TRAP1: variants seen among roughly 807,000 people sequenced by gnomAD.
TRAP1 encodes the protein heat shock protein 75 kDa, mitochondrial.
Under a neutral mutation model 89.1 loss-of-function variants are expected in TRAP1, and 102 were observed. That is an observed-to-expected ratio of 1.15 (90% CI 0.98 to 1.35). The LOEUF (loss-of-function observed/expected upper bound fraction) is 1.35, where lower values mean the gene tolerates loss of function less well. Ranked by LOEUF, TRAP1 falls within the 40% of genes most tolerant of loss-of-function variation. The pLI is 0.00. For synonymous variants in TRAP1, 508 were observed against 388.0 expected, an observed-to-expected ratio of 1.31 and a Z score of -3.64; for missense variants, 1,256 against 945.3, an observed-to-expected ratio of 1.33 and a Z score of -4.31.
At chr16:3,697,130 T>C (rs1004768289) in intron 1 of TRAP1, among the ~76,000 whole-genome samples, 60 of 152,356 alleles carry the variant, frequency 3.9e-4, no homozygotes, top group African/African-American at 1.3e-3. Flanking sequence ...CATATCATCC[T>C]ACATTCCTGC....
In TRAP1 at chr16:3,664,254, C is replaced by G; in HGVS notation, c.1569+20G>C. 1 of 1,549,576 alleles carries G rather than the reference C, an allele frequency of 6.5e-7. No homozygotes were observed. Among genetic ancestry groups the G allele is most frequent in the Non-Finnish European group, 8.7e-7 (1 of 1,149,178 alleles). On this transcript the variant is annotated intron_variant, in intron 13 of 17. Coordinates refer to ENST00000246957, the MANE Select transcript of TRAP1 (RefSeq NM_016292.3). Reference sequence around the variant, plus strand: ...CCAGGTTGCAGCCCCCGGAGCCCGCCCCACCCACCGCTCACCCACCTCTGT... The same window carrying G: ...CCAGGTTGCAGCCCCCGGAGCCCGCGCCACCCACCGCTCACCCACCTCTGT...
At chr16:3,658,466 G>A (rs756466226) in intron 17 of TRAP1, 61 of 581,144 alleles carry the variant, frequency 1.0e-4, no homozygotes, top group Non-Finnish European at 1.6e-4. Context: ...GGTGGCTCAC[G>A]AGGTCAGGAG....
chr16:3,658,860 G>GCGTGCCT lies in TRAP1; in HGVS notation c.1941-2_1945dup (p.Ala649GlufsTer38). The stretch of plus-strand genomic sequence containing the variant: ...CAGCTGATTCAGCTTCTTGATGAGC[G>GCGTGCCT]CGTGCCTGCAACACAGAACCCACCA... On this transcript the variant is annotated frameshift_variant, in exon 17 of 18. Coordinates refer to ENST00000246957, the MANE Select transcript of TRAP1 (RefSeq NM_016292.3). LOFTEE classifies it high-confidence loss of function. The GCGTGCCT allele has an allele frequency of 6.2e-7, 1 of 1,614,014 alleles. No individual in the cohort carries two copies. Among genetic ancestry groups the GCGTGCCT allele is most frequent in the Non-Finnish European group, 8.5e-7 (1 of 1,179,990 alleles).
chr16:3,690,827 C>A lies in TRAP1; in HGVS notation c.247G>T (p.Gly83Cys). The A allele has an allele frequency of 6.8e-7, 1 of 1,460,304 alleles. No homozygotes were observed. 90.5% of individuals were successfully genotyped at this position (1,460,304 alleles called of 1,614,324 possible). A position where few individuals can be genotyped will look rare whatever the true frequency, so the allele number is the denominator to read the frequency against. The change falls in exon 2 of 18, where the codon GGT (glycine) becomes TGT (cysteine). Residue 83 changes from glycine (G) to cysteine (C), a missense_variant and splice_region_variant. Gly to Cys is a radical substitution (Grantham distance 159, BLOSUM62 -3). Transcript: ENST00000246957. ...AGACCAAAGCACGAGCCAAGGCTACCCTGCACGCTCTCTGTGCTGCTGATA... is the reference window on the plus strand; with the variant it reads ...AGACCAAAGCACGAGCCAAGGCTACACTGCACGCTCTCTGTGCTGCTGATA... Reference protein sequence around the residue: ...SIISSTESVQGSTSKHEFQAE... With the variant: ...SIISSTESVQCSTSKHEFQAE...
chr16:3,663,634 G>A lies in TRAP1; in HGVS notation c.1570-72C>T, dbSNP rs577731128. On this transcript the variant is annotated intron_variant, in intron 13 of 17. Transcript: ENST00000246957. ...CCACCACAGAAGAAAGGATGAGGGC[G>A]GCAGGAGGGCTGGGGGAGCCAAGCG... 335 of 1,590,602 alleles carry A rather than the reference G, an allele frequency of 2.1e-4. 1 individual carries two copies. Among genetic ancestry groups the A allele is most frequent in the South Asian group, 1.3e-3 (112 of 89,426 alleles).
intron 1 of TRAP1, among the ~76,000 whole-genome samples, chr16:3,701,988 ATCACAAAG>A (rs2051371917): frequency 6.6e-6 from 1 of 152,198 alleles, no homozygotes; most frequent in Admixed American, 6.5e-5. Context: ...AGGCAGGTGG[ATCACAAAG>A]TCAGGAGTTC....
intron 1 of TRAP1, among the ~76,000 whole-genome samples, chr16:3,705,755 C>G (rs2051433988): frequency 6.6e-6 from 1 of 152,148 alleles, no homozygotes; most frequent in South Asian, 2.1e-4. Flanking sequence ...TCTTGGCTCA[C>G]TGCAACCTCT....
chr16:3,704,702 C>G (rs1376449490), intron 1 of TRAP1, among the ~76,000 whole-genome samples: 1 of 152,004 alleles, frequency 6.6e-6, no homozygotes, highest in Non-Finnish European at 1.5e-5. Context: ...AAAAAGTAAA[C>G]ACACACAAAA....
chr16:3,684,525 C>T (rs983286626), intron 4 of TRAP1, among the ~76,000 whole-genome samples: 2 of 152,150 alleles, frequency 1.3e-5, no homozygotes, highest in African/African-American at 4.8e-5. Flanking sequence ...GGTATGGTGG[C>T]TCATGCCTGT....
At chr16:3,673,408 G>A (rs142164819) in intron 9 of TRAP1, among the ~76,000 whole-genome samples, 88 of 152,316 alleles carry the variant, frequency 5.8e-4, no homozygotes, top group Middle Eastern at 3.4e-3. Context: ...TCTGGCCCTC[G>A]TGGAACGTGC....
At position 3,690,934 on chromosome 16, in the gene TRAP1, C is replaced by A; in HGVS notation, c.140G>T (p.Arg47Leu). 4 of 1,587,392 alleles carry A rather than the reference C, an allele frequency of 2.5e-6. No homozygotes were observed. The highest frequency in any genetic ancestry group is 3.4e-6 in the Non-Finnish European group (4 of 1,167,326). ...TGCCTGCAAGCTCCAGGCTGGGTTT[C>A]GCCTGGGGCCCAACTGGGCTGTGGT... ...RRTTAQLGPR[R>L]NPAWSLQAGR... The change falls in exon 2 of 18, where the codon CGA (arginine) becomes CTA (leucine). Residue 47 changes from arginine (R) to leucine (L), a missense_variant. Arg to Leu is a moderately radical substitution (Grantham distance 102). Transcript: ENST00000246957.
At chr16:3,690,048 C>T (rs954776822) in intron 2 of TRAP1, among the ~76,000 whole-genome samples, 2 of 151,982 alleles carry the variant, frequency 1.3e-5, no homozygotes, top group East Asian at 3.9e-4. Context: ...GGCTCTGTTG[C>T]CCAGGCTGCT....
intron 11 of TRAP1, among the ~76,000 whole-genome samples, chr16:3,669,541 G>C (rs557521846): frequency 2.0e-5 from 3 of 152,158 alleles, no homozygotes; most frequent in Non-Finnish European, 4.4e-5. Context: ...TGCAGGTAAA[G>C]ATTTCAGAAC....
At chr16:3,671,489 A>G (rs2050911971) in intron 11 of TRAP1, among the ~76,000 whole-genome samples, 1 of 151,850 alleles carries the variant, frequency 6.6e-6, no homozygotes, top group Non-Finnish European at 1.5e-5. Context: ...CCCTCCCCCT[A>G]TCCAGACTCC....
At chr16:3,665,665 A>G (rs2050814540) in intron 12 of TRAP1, among the ~76,000 whole-genome samples, 1 of 152,084 alleles carries the variant, frequency 6.6e-6, no homozygotes. Flanking sequence ...AGCCCCCAAC[A>G]TCCTCTGAGG....
intron 1 of TRAP1, among the ~76,000 whole-genome samples, chr16:3,697,387 A>C (rs778042125): frequency 4.6e-5 from 7 of 152,058 alleles, no homozygotes; most frequent in Non-Finnish European, 7.4e-5. Flanking sequence ...ATTAGTCGCC[A>C]GGAGCGGTGG....
chr16:3,674,512 C>A lies in TRAP1; in HGVS notation c.889-18G>T, dbSNP rs753578074. 1.1e-5 allele frequency: 18 copies of A among 1,612,070 alleles called. No individual in the cohort carries two copies. The Admixed American group carries it at 1.8e-4, about 16-fold the overall frequency. On this transcript the variant is annotated intron_variant, in intron 8 of 17. Coordinates refer to ENST00000246957, the MANE Select transcript of TRAP1 (RefSeq NM_016292.3). ...CAGATGGCCTGGAAACGGAGATCGG[C>A]GGGGAGGGCGTCGTGTTCACCACGC...
intron 16 of TRAP1, chr16:3,659,256 C>T (rs2042922595): frequency 5.7e-6 from 1 of 176,372 alleles, no homozygotes; most frequent in Admixed American, 6.2e-5. Flanking sequence ...GGAAGGCAAA[C>T]AACTCCATGT....
intron 16 of TRAP1, chr16:3,659,559 T>C (rs2042943821): frequency 6.6e-6 from 1 of 152,200 alleles, no homozygotes; most frequent in Non-Finnish European, 1.5e-5. Flanking sequence ...AAGCATCATG[T>C]AGTATTTAAC....
Sources: gnomAD v4.1 joint callset for allele counts (sites outside exome capture counted in the v4.1 genomes callset) on GRCh38, gnomAD v4.1.1 for gene constraint, MANE v1.5 for transcripts, NCBI Gene and HGNC (gene_info 2026-07-23, HGNC 2026-07-21) for gene names.